SPON1: variants seen among roughly 807,000 people sequenced by gnomAD.
The protein encoded by SPON1 is spondin 1.
In SPON1, 52 loss-of-function variants were observed where a neutral mutation model predicts 111.7. The ratio of observed to expected loss-of-function variants is 0.47; its 90% CI spans 0.37 to 0.59. The LOEUF (loss-of-function observed/expected upper bound fraction) is 0.59, where lower values mean the gene tolerates loss of function less well. SPON1 is among the 20% of genes least tolerant of loss of function. The probability of loss-of-function intolerance (pLI) is 0.00; values close to 1 mark genes in which losing one functional copy is unlikely to be tolerated. For synonymous variants in SPON1, 410 were observed against 395.8 expected (o/e 1.04, Z -0.43); for missense variants, 957 against 1,068.5 (o/e 0.90, Z 1.46).
At chr11:14,002,434 G>A (rs1554912544) in intron 2 of SPON1, among the ~76,000 whole-genome samples, 2 of 152,120 alleles carry the variant, frequency 1.3e-5, no homozygotes, top group African/African-American at 4.8e-5. Context: ...ATGTTGATTA[G>A]TGACTGACCT....
intron 2 of SPON1, among the ~76,000 whole-genome samples, chr11:13,996,027 A>G (rs1361648047): frequency 6.6e-6 from 1 of 152,254 alleles, no homozygotes; most frequent in Non-Finnish European, 1.5e-5. Context: ...TGAAATTTCA[A>G]CTGGACAAGG....
intron 5 of SPON1, among the ~76,000 whole-genome samples, chr11:14,124,732 C>T (rs943585840): frequency 5.9e-5 from 9 of 152,174 alleles, no homozygotes; most frequent in Non-Finnish European, 1.2e-4. Context: ...AAATATAAGA[C>T]TTTATTGAAA....
chr11:14,263,818 C>A (rs926792920), intron 15 of SPON1, among the ~76,000 whole-genome samples: 1 of 151,956 alleles, frequency 6.6e-6, no homozygotes, highest in Admixed American at 6.6e-5. Flanking sequence ...CACTTGAGGT[C>A]AGGAGTTTGA....
At chr11:13,976,556 G>A (rs1208288977) in intron 1 of SPON1, among the ~76,000 whole-genome samples, 1 of 152,192 alleles carries the variant, frequency 6.6e-6, no homozygotes, top group Non-Finnish European at 1.5e-5. Context: ...ATAGGGTTGT[G>A]TACAACCTTA....
intron 11 of SPON1, among the ~76,000 whole-genome samples, chr11:14,258,718 C>G (rs1361896625): frequency 6.6e-6 from 1 of 152,222 alleles, no homozygotes; most frequent in Admixed American, 6.5e-5. Context: ...CAGTGTTGCA[C>G]TTTCACGATG....
At position 14,266,573 on chromosome 11, in the gene SPON1, C is replaced by T. The variant is rs1591433416; in HGVS notation, c.*886C>T. 1 of 152,202 alleles carries T rather than the reference C, an allele frequency of 6.6e-6. No homozygotes were observed. Among genetic ancestry groups the T allele is most frequent in the Non-Finnish European group, 1.5e-5 (1 of 68,016 alleles). The allele number at this position is 152,202 out of a possible 1,614,324, so 9.4% of individuals were successfully genotyped here. ...CTAAATTTTAAAATCTTCCTACACA[C>T]ATCTAGACGTTCAAGTTTGCAAATC... On this transcript the variant is annotated 3_prime_UTR_variant, in exon 16 of 16. Transcript: ENST00000576479.
intron 2 of SPON1, among the ~76,000 whole-genome samples, chr11:13,984,623 C>T (rs1848168456): frequency 6.6e-6 from 1 of 152,190 alleles, no homozygotes; most frequent in Non-Finnish European, 1.5e-5. Flanking sequence ...TTATTAGGCC[C>T]TACCTCTCAA....
chr11:14,209,420 C>T (rs565935318), intron 6 of SPON1, among the ~76,000 whole-genome samples: 2 of 152,160 alleles, frequency 1.3e-5, no homozygotes, highest in Non-Finnish European at 2.9e-5. Context: ...TAGCCCCCCA[C>T]ACCCCGACAG....
chr11:14,081,907 T>G (rs1848965337), intron 5 of SPON1, among the ~76,000 whole-genome samples: 1 of 152,122 alleles, frequency 6.6e-6, no homozygotes, highest in African/African-American at 2.4e-5. Context: ...AGGCTTGGGA[T>G]CTTAGAAGCC....
intron 5 of SPON1, among the ~76,000 whole-genome samples, chr11:14,085,001 T>C (rs1326248941): frequency 6.9e-6 from 1 of 144,248 alleles, no homozygotes; most frequent in Non-Finnish European, 1.5e-5. Flanking sequence ...GGGTTGTTTT[T>C]TTCTTGTAAA....
intron 1 of SPON1, among the ~76,000 whole-genome samples, chr11:13,975,397 T>C (rs189645842): frequency 6.6e-6 from 1 of 152,330 alleles, no homozygotes; most frequent in African/African-American, 2.4e-5. Flanking sequence ...ACCTTTTTTG[T>C]TCATTCATTC....
chr11:14,172,471 T>G (rs1554932601), intron 6 of SPON1, among the ~76,000 whole-genome samples: 1 of 151,922 alleles, frequency 6.6e-6, no homozygotes, highest in Non-Finnish European at 1.5e-5. Context: ...GTCTTTTAAT[T>G]GGAGCATTTA....
At chr11:13,975,403 C>A (rs1554908974) in intron 1 of SPON1, among the ~76,000 whole-genome samples, 1 of 152,102 alleles carries the variant, frequency 6.6e-6, no homozygotes, top group African/African-American at 2.4e-5. Flanking sequence ...TTTGTTCATT[C>A]ATTCAACAAG....
chr11:14,056,625 G>A (rs1173513964), intron 3 of SPON1, among the ~76,000 whole-genome samples: 1 of 152,184 alleles, frequency 6.6e-6, no homozygotes, highest in Non-Finnish European at 1.5e-5. Context: ...TGGGCACGGT[G>A]GCTCATGTAA....
chr11:14,030,950 C>T (rs1170108220), intron 2 of SPON1, among the ~76,000 whole-genome samples: 6 of 152,238 alleles, frequency 3.9e-5, no homozygotes, highest in Non-Finnish European at 5.9e-5. Context: ...GACATGGCAT[C>T]AACTTAGGTG....
intron 6 of SPON1, among the ~76,000 whole-genome samples, chr11:14,155,387 T>C (rs1847833011): frequency 6.6e-6 from 1 of 152,130 alleles, no homozygotes; most frequent in Non-Finnish European, 1.5e-5. Context: ...TGGGAAGGCC[T>C]CAGGAAATAT....
In SPON1 at chr11:14,139,236, C is replaced by A. The variant is rs969252376; in HGVS notation, c.825+3668C>A. Among the ~76,000 whole-genome samples, 6 of 152,200 alleles carry A rather than the reference C, an allele frequency of 3.9e-5. No individual in the cohort carries two copies. In the East Asian group the frequency reaches 7.7e-4, roughly 20 times the overall value. On this transcript the variant is annotated intron_variant, in intron 6 of 15. Transcript: ENST00000576479. Reference sequence around the variant, plus strand: ...GGGCCATGCCCTTCTTGTCTCTGGACCTTCTCTCAGCCAGACATCTTCCAG... The same window carrying A: ...GGGCCATGCCCTTCTTGTCTCTGGAACTTCTCTCAGCCAGACATCTTCCAG...
At chr11:14,168,822 G>C (rs1848064193) in intron 6 of SPON1, among the ~76,000 whole-genome samples, 2 of 152,116 alleles carry the variant, frequency 1.3e-5, no homozygotes, top group African/African-American at 4.8e-5. Flanking sequence ...CCCTACGAAG[G>C]ACATGAACTC....
chr11:14,177,735 G>A (rs1484808292), intron 6 of SPON1, among the ~76,000 whole-genome samples: 1 of 152,130 alleles, frequency 6.6e-6, no homozygotes, highest in Admixed American at 6.5e-5. Flanking sequence ...CTTTGGGAAA[G>A]GGCTGTTATC....
Sources: gnomAD v4.1 joint callset for allele counts (sites outside exome capture counted in the v4.1 genomes callset) on GRCh38, gnomAD v4.1.1 for gene constraint, MANE v1.5 for transcripts, NCBI Gene and HGNC (gene_info 2026-07-23, HGNC 2026-07-21) for gene names.